DNAH7: variants seen among roughly 807,000 people sequenced by gnomAD.
DNAH7 encodes dynein axonemal heavy chain 7.
DNAH7 carries 397 observed loss-of-function variants against 444.6 expected under a neutral mutation model. The observed-to-expected ratio is 0.89, with a 90% CI of 0.82 to 0.97. DNAH7 has a LOEUF of 0.97. Among genes scored for constraint, DNAH7 ranks in the 50% least tolerant of loss-of-function variants. The pLI is 0.00. For synonymous variants in DNAH7, 1,636 were observed against 1,624.4 expected (o/e 1.01, Z -0.17); for missense variants, 4,902 against 4,800.8 (o/e 1.02, Z -0.62).
At chr2:195,946,821 C>T (rs1689843850) in intron 19 of DNAH7, among the ~76,000 whole-genome samples, 1 of 151,970 alleles carries the variant, frequency 6.6e-6, no homozygotes, top group Non-Finnish European at 1.5e-5. Flanking sequence ...CATATCTCCC[C>T]ACCCCTGGAA....
intron 41 of DNAH7, among the ~76,000 whole-genome samples, chr2:195,862,946 G>T (rs1477918200): frequency 6.6e-6 from 1 of 152,198 alleles, no homozygotes; most frequent in Non-Finnish European, 1.5e-5. Flanking sequence ...TGAGGCAGAA[G>T]AATTGCTTGA....
At chr2:196,018,974 T>G (rs1013028591) in intron 9 of DNAH7, among the ~76,000 whole-genome samples, 196 bp downstream of exon 9, 5 of 152,110 alleles carry the variant, frequency 3.3e-5, no homozygotes, top group Admixed American at 2.6e-4. Flanking sequence ...ATTAAAAAAT[T>G]TAAAATTTTA....
chr2:195,807,719 G>A (rs1440119691), intron 53 of DNAH7, among the ~76,000 whole-genome samples: 3 of 152,112 alleles, frequency 2.0e-5, no homozygotes, highest in Non-Finnish European at 2.9e-5. Flanking sequence ...AAGGAAACGT[G>A]TACCTGTGAA....
At chr2:196,020,591 G>C (rs924399598) in intron 8 of DNAH7, among the ~76,000 whole-genome samples, 5 of 151,018 alleles carry the variant, frequency 3.3e-5, no homozygotes, top group Non-Finnish European at 7.4e-5. Context: ...TGTGTGGAAT[G>C]GGGAATAATT....
intron 1 of DNAH7, among the ~76,000 whole-genome samples, chr2:196,058,596 G>A (rs1697955455): frequency 6.6e-6 from 1 of 151,740 alleles, no homozygotes; most frequent in South Asian, 2.1e-4. Context: ...ATTTACAATT[G>A]CATGAAATAG....
intron 21 of DNAH7, among the ~76,000 whole-genome samples, chr2:195,932,948 A>G (rs931331334): frequency 3.3e-5 from 5 of 152,144 alleles, no homozygotes; most frequent in African/African-American, 1.2e-4. Context: ...TGAGTTAGGG[A>G]AGATTCCCTC....
chr2:195,871,966 A>C lies in DNAH7; in HGVS notation c.6633+284T>G, dbSNP rs867516673. On this transcript the variant is annotated intron_variant, in intron 40 of 64. Transcript: ENST00000312428. ...AAAAAAAAAAAAAAAAAAAAAAAAA[A>C]AAACTACTTAAGGGAAACTGGTTCA... Among the ~76,000 whole-genome samples, 10 of 81,554 alleles carry C rather than the reference A, an allele frequency of 1.2e-4. No individual in the cohort carries two copies. In the East Asian group the frequency reaches 2.4e-3, roughly 19 times the overall value. The allele number at this position is 81,554 out of a possible 152,430, so 53.5% of individuals were successfully genotyped here.
At chr2:195,955,149 T>C (rs7570590) in intron 19 of DNAH7, among the ~76,000 whole-genome samples, 9,330 of 152,316 alleles carry the variant, frequency 0.061, 385 homozygotes, top group African/African-American at 0.12. Flanking sequence ...ACAGTTTTTA[T>C]GGTTTTAGGT....
intron 41 of DNAH7, 25 bp from the exon 42 acceptor site, chr2:195,861,971 C>A: frequency 6.4e-7 from 1 of 1,565,730 alleles, no homozygotes; most frequent in African/African-American, 1.4e-5. Context: ...AATGCTTTAG[C>A]ATTTTATTAA....
chr2:195,806,724 C>G lies in DNAH7; in HGVS notation c.10176+16G>C. On this transcript the variant is annotated intron_variant, in intron 54 of 64. Transcript: ENST00000312428. ...GGCTTTGGAATCATTGAGCTGTTTTCAAAGCCCACATTTACCTTGTCTGGC... is the reference window on the plus strand; with the variant it reads ...GGCTTTGGAATCATTGAGCTGTTTTGAAAGCCCACATTTACCTTGTCTGGC... The G allele has an allele frequency of 6.2e-7, 1 of 1,609,712 alleles. No individual in the cohort carries two copies. Among genetic ancestry groups the G allele is most frequent in the Non-Finnish European group, 8.5e-7 (1 of 1,176,670 alleles).
rs189734056 is a variant in DNAH7, at chr2:195,992,643, G to A, written c.1354-4414C>T. ...AATTTAACTGTTCATTTTGAGGTTT[G>A]TTCTTTATCTGACTCCCTCATTCCC... On this transcript the variant is annotated intron_variant, in intron 12 of 64. Transcript: ENST00000312428. Among the ~76,000 whole-genome samples, 315 of 152,288 alleles carry A rather than the reference G, an allele frequency of 2.1e-3. 1 individual carries two copies. Among genetic ancestry groups the A allele is most frequent in the African/African-American group, 7.1e-3 (295 of 41,552 alleles).
At chr2:195,941,778 T>A (rs75347902) in intron 19 of DNAH7, among the ~76,000 whole-genome samples, 1 of 152,214 alleles carries the variant, frequency 6.6e-6, no homozygotes, top group East Asian at 1.9e-4. Context: ...TAAAACCTCT[T>A]ACAATTTTAA....
intron 22 of DNAH7, among the ~76,000 whole-genome samples, chr2:195,926,103 TTTATGAG>T (rs1441469132): frequency 6.6e-6 from 1 of 152,158 alleles, no homozygotes; most frequent in African/African-American, 2.4e-5. Flanking sequence ...CCTGCTAATC[TTTATGAG>T]TTTCTTAGTC....
At chr2:196,049,675 G>A (rs1174307245) in intron 3 of DNAH7, among the ~76,000 whole-genome samples, 1 of 152,164 alleles carries the variant, frequency 6.6e-6, no homozygotes, top group Non-Finnish European at 1.5e-5. Flanking sequence ...CTCAAAGAAT[G>A]CTGAGGAAAA....
intron 61 of DNAH7, among the ~76,000 whole-genome samples, chr2:195,759,479 G>A (rs1272300875): frequency 6.6e-5 from 10 of 152,108 alleles, no homozygotes; most frequent in Non-Finnish European, 1.5e-5. Context: ...CACCTTGGTG[G>A]CTACCAGGAG....
intron 15 of DNAH7, among the ~76,000 whole-genome samples, chr2:195,984,276 T>C (rs1220041195): frequency 6.6e-6 from 1 of 152,222 alleles, no homozygotes; most frequent in African/African-American, 2.4e-5. Flanking sequence ...ACCAGGAGCA[T>C]CTAGCCTAAA....
At chr2:195,954,027 T>C (rs1299085655) in intron 19 of DNAH7, among the ~76,000 whole-genome samples, 1 of 152,186 alleles carries the variant, frequency 6.6e-6, no homozygotes, top group Non-Finnish European at 1.5e-5. Flanking sequence ...AGTCTTTTTT[T>C]TAAATTTTAT....
chr2:195,933,301 G>A (rs1396366623), intron 21 of DNAH7, among the ~76,000 whole-genome samples: 2 of 152,152 alleles, frequency 1.3e-5, no homozygotes, highest in African/African-American at 2.4e-5. Flanking sequence ...ACTGTTGGCG[G>A]GACTGTAAAC....
intron 48 of DNAH7, among the ~76,000 whole-genome samples, chr2:195,830,743 T>C (rs943516594): frequency 6.6e-6 from 1 of 152,188 alleles, no homozygotes; most frequent in Non-Finnish European, 1.5e-5. Context: ...ATTGAAACAA[T>C]GCCATGTTGT....
Sources: allele counts gnomAD v4.1 joint callset (sites outside exome capture counted in the v4.1 genomes callset), GRCh38; gene constraint gnomAD v4.1.1; transcripts MANE v1.5; gene names NCBI Gene and HGNC (gene_info 2026-07-23, HGNC 2026-07-21).